Variants in LRFN5 observed in about 807,000 individuals in gnomAD.
The protein encoded by LRFN5 is leucine-rich repeat and fibronectin type-III domain-containing protein 5.
In LRFN5, 24 loss-of-function variants were observed where a neutral mutation model predicts 45.6. The observed-to-expected ratio is 0.53, with a 90% CI of 0.38 to 0.74. LRFN5 has a LOEUF of 0.74. Among genes scored for constraint, LRFN5 ranks in the 30% least tolerant of loss-of-function variants. The probability of loss-of-function intolerance (pLI) is 0.00; values close to 1 mark genes in which losing one functional copy is unlikely to be tolerated. For synonymous variants in LRFN5, 340 were observed against 313.8 expected (o/e 1.08, Z -0.88); for missense variants, 776 against 861.5 (o/e 0.90, Z 1.24).
At chr14:41,775,280 CG>C (rs756344823) in intron 2 of LRFN5, among the ~76,000 whole-genome samples, 15 of 151,504 alleles carry the variant, frequency 9.9e-5, no homozygotes, top group Non-Finnish European at 1.5e-4. Flanking sequence ...TTAGTAGAGG[CG>C]GGGTTTCACC....
chr14:41,904,105 C>G, intron 5 of LRFN5, 53 bp from the exon 6 acceptor site: 1 of 1,440,376 alleles, frequency 6.9e-7, no homozygotes, highest in Non-Finnish European at 9.6e-7. Flanking sequence ...TATGTGTTTT[C>G]TTTCTTTCTT....
intron 1 of LRFN5, among the ~76,000 whole-genome samples, chr14:41,721,493 G>A (rs535444019): frequency 6.6e-6 from 1 of 152,078 alleles, no homozygotes; most frequent in African/African-American, 2.4e-5. Context: ...GTGTGTTTTT[G>A]TGGTAGCAGG....
intron 2 of LRFN5, among the ~76,000 whole-genome samples, chr14:41,817,503 G>A (rs1283807961): frequency 6.6e-6 from 1 of 152,014 alleles, no homozygotes; most frequent in Admixed American, 6.6e-5. Flanking sequence ...CTTCTCACAT[G>A]CTTCTTAGTT....
At chr14:41,872,537 T>G (rs1005516297) in intron 2 of LRFN5, among the ~76,000 whole-genome samples, 1 of 152,176 alleles carries the variant, frequency 6.6e-6, no homozygotes, top group Non-Finnish European at 1.5e-5. Flanking sequence ...TTCAAGGCAA[T>G]TAGGAATGAG....
intron 1 of LRFN5, among the ~76,000 whole-genome samples, chr14:41,721,493 G>C (rs535444019): frequency 6.6e-6 from 1 of 152,196 alleles, no homozygotes; most frequent in South Asian, 2.1e-4. Flanking sequence ...GTGTGTTTTT[G>C]TGGTAGCAGG....
chr14:41,799,417 A>G (rs953063550), intron 2 of LRFN5, among the ~76,000 whole-genome samples: 1 of 151,890 alleles, frequency 6.6e-6, no homozygotes, highest in Non-Finnish European at 1.5e-5. Flanking sequence ...AAACTTAACA[A>G]CTAATAGCAC....
At chr14:41,826,855 T>C (rs1160069680) in intron 2 of LRFN5, among the ~76,000 whole-genome samples, 1 of 151,404 alleles carries the variant, frequency 6.6e-6, no homozygotes, top group East Asian at 1.9e-4. Flanking sequence ...TTTTAATAAG[T>C]AATTATTTTG....
chr14:41,898,037 T>C (rs1302744997), intron 4 of LRFN5, among the ~76,000 whole-genome samples: 2 of 152,074 alleles, frequency 1.3e-5, no homozygotes, highest in Non-Finnish European at 2.9e-5. Context: ...TCATCTATAA[T>C]GTGAACATCT....
intron 2 of LRFN5, 118 bp from the exon 3 acceptor site, chr14:41,886,488 G>C: frequency 1.4e-6 from 1 of 698,616 alleles, no homozygotes; most frequent in Non-Finnish European, 2.2e-6. Flanking sequence ...TACTTGTTAA[G>C]CAAACAAGTG....
In LRFN5 at chr14:41,861,104, T is replaced by G. The variant is rs147935342; in HGVS notation, c.-20-25502T>G. The stretch of plus-strand genomic sequence containing the variant: ...TATACATTTTTAATTTAATATGTTA[T>G]CTCCCAGGTTTCCTTGCTATAAAGA... On this transcript the variant is annotated intron_variant, in intron 2 of 5. Coordinates refer to ENST00000298119, the MANE Select transcript of LRFN5 (RefSeq NM_152447.5). Among the ~76,000 whole-genome samples, 468 of 152,290 alleles carry G rather than the reference T, an allele frequency of 3.1e-3. 2 individuals are homozygous for G. The highest frequency in any genetic ancestry group is 6.0e-3 in the Non-Finnish European group (407 of 68,028).
chr14:41,879,626 T>C (rs936353926), intron 2 of LRFN5, among the ~76,000 whole-genome samples: 6 of 151,374 alleles, frequency 4.0e-5, no homozygotes, highest in Non-Finnish European at 8.8e-5. Context: ...TGTGGACATA[T>C]AGATCTCCAC....
intron 2 of LRFN5, among the ~76,000 whole-genome samples, chr14:41,826,176 G>A (rs916454029): frequency 6.6e-6 from 1 of 152,236 alleles, no homozygotes. Context: ...GTGGAGAGAG[G>A]AAATTCTCTT....
At chr14:41,839,161 T>C (rs539599569) in intron 2 of LRFN5, among the ~76,000 whole-genome samples, 1 of 152,260 alleles carries the variant, frequency 6.6e-6, no homozygotes, top group Admixed American at 6.5e-5. Context: ...TTATAATTTC[T>C]ACGATTTAGA....
rs1179527356 is a variant in LRFN5, at chr14:41,894,016, A to G, written c.2098+2054A>G. ...TTCCAACTAAATATTTTTAATTAAC[A>G]TCAATTGCCTAATTCCTCAATAGGT... On this transcript the variant is annotated intron_variant, in intron 4 of 5. Transcript: ENST00000298119. The G allele has an allele frequency of 4.1e-6, 4 of 984,164 alleles. No homozygotes were observed. The South Asian group carries it at 1.4e-4, about 35-fold the overall frequency. The allele number at this position is 984,164 out of a possible 1,614,324, so 61.0% of individuals were successfully genotyped here.
At chr14:41,757,540 G>C (rs190683025) in intron 1 of LRFN5, among the ~76,000 whole-genome samples, 5 of 152,186 alleles carry the variant, frequency 3.3e-5, no homozygotes, top group African/African-American at 1.2e-4. Flanking sequence ...CTCCGTGGGC[G>C]TAGGACCCTC....
chr14:41,673,840 G>C (rs1206145835), intron 1 of LRFN5, among the ~76,000 whole-genome samples: 1 of 148,478 alleles, frequency 6.7e-6, no homozygotes, highest in Non-Finnish European at 1.5e-5. Flanking sequence ...AGATGGCCGG[G>C]CGGGGGGCTG....
intron 1 of LRFN5, among the ~76,000 whole-genome samples, chr14:41,725,561 C>A (rs542299086): frequency 1.2e-3 from 182 of 152,072 alleles, no homozygotes; most frequent in African/African-American, 4.2e-3. Context: ...GTTGTTGTAC[C>A]ATATTTTTGG....
chr14:41,623,584 A>G (rs1448311616), intron 1 of LRFN5, among the ~76,000 whole-genome samples: 2 of 152,134 alleles, frequency 1.3e-5, no homozygotes, highest in Non-Finnish European at 2.9e-5. Context: ...TGCAGTCTAT[A>G]TTAAGTGGTT....
intron 2 of LRFN5, among the ~76,000 whole-genome samples, chr14:41,886,020 A>AC (rs1890558901): frequency 1.4e-4 from 1 of 7,148 alleles, no homozygotes; most frequent in African/African-American, 4.7e-4. Context: ...GGCTCGTCTC[A>AC]AAAAAAAAAA....
Sources: gnomAD v4.1 joint callset for allele counts (sites outside exome capture counted in the v4.1 genomes callset) on GRCh38, gnomAD v4.1.1 for gene constraint, MANE v1.5 for transcripts, NCBI Gene and HGNC (gene_info 2026-07-23, HGNC 2026-07-21) for gene names.